Variants in RBL2 observed in about 807,000 individuals in gnomAD.
RBL2 encodes RB transcriptional corepressor like 2, also known as retinoblastoma-like protein 2.
A neutral mutation model predicts 126.0 loss-of-function variants in RBL2; 56 were observed. The observed-to-expected ratio is 0.44, with a 90% confidence interval of 0.36 to 0.56. The LOEUF is 0.56. Among genes scored for constraint, RBL2 ranks in the 20% least tolerant of loss-of-function variants. The pLI, the probability that RBL2 is intolerant of heterozygous loss-of-function variation, is 0.00. For synonymous variants in RBL2, 454 were observed against 478.5 expected (o/e 0.95, Z 0.67); for missense variants, 1,229 against 1,398.2 (o/e 0.88, Z 1.93).
chr16:53,458,946 A>G lies in RBL2; in HGVS notation c.1180-505A>G, dbSNP rs147824461. On this transcript the variant is annotated intron_variant, in intron 8 of 21. Coordinates refer to ENST00000262133, the MANE Select transcript of RBL2 (RefSeq NM_005611.4). Reference sequence around the variant, plus strand: ...TTGAGGCTTCGATGCAGACATAGCCAAACCATATCAGTAGGCTTTTGTTAA... The same window carrying G: ...TTGAGGCTTCGATGCAGACATAGCCGAACCATATCAGTAGGCTTTTGTTAA... Among the ~76,000 whole-genome samples, 1,123 of 152,342 alleles carry G rather than the reference A, an allele frequency of 7.4e-3. 20 individuals are homozygous for G. Among genetic ancestry groups the G allele is most frequent in the African/African-American group, 0.026 (1,078 of 41,578 alleles).
intron 4 of RBL2, 138 bp downstream of exon 4, chr16:53,447,244 T>A (rs546228862): frequency 4.2e-6 from 2 of 481,370 alleles, no homozygotes; most frequent in South Asian, 8.4e-5. Flanking sequence ...TAGATTCTTT[T>A]TTAAGTATTG....
rs374814957 is a variant in RBL2 at position 53,461,855 on chromosome 16, G to A, written c.1456+5G>A. 146 of 1,595,476 alleles carry A rather than the reference G, an allele frequency of 9.2e-5. No homozygotes were observed. Among genetic ancestry groups the A allele is most frequent in the Non-Finnish European group, 1.2e-4 (139 of 1,163,952 alleles). On this transcript the variant is annotated splice_donor_5th_base_variant and intron_variant, in intron 10 of 21. Coordinates refer to ENST00000262133, the MANE Select transcript of RBL2 (RefSeq NM_005611.4). ...ATTTCAGTAATTGTGCTAAAGGTAA[G>A]GTTTAACATTGTTATTCTGCTTTTA... is the stretch of plus-strand genomic sequence containing the variant.
At chr16:53,466,588 A>G (rs2058274559) in intron 13 of RBL2, among the ~76,000 whole-genome samples, 1 of 151,966 alleles carries the variant, frequency 6.6e-6, no homozygotes, top group Admixed American at 6.6e-5. Context: ...TAGATCCCTT[A>G]TGTGTGCAGT....
intron 4 of RBL2, among the ~76,000 whole-genome samples, chr16:53,450,320 AAGGG>A (rs1261573609): frequency 1.3e-5 from 2 of 152,176 alleles, no homozygotes; most frequent in Non-Finnish European, 2.9e-5. Context: ...AACAGAGAGA[AAGGG>A]AAACCTGAAA....
At chr16:53,469,480 C>A (rs1255062821) in intron 14 of RBL2, among the ~76,000 whole-genome samples, 1 of 152,030 alleles carries the variant, frequency 6.6e-6, no homozygotes, top group African/African-American at 2.4e-5. Flanking sequence ...CAATCAGGTC[C>A]CCTTATCAAG....
chr16:53,479,778 T>G lies in RBL2; in HGVS notation c.2776-108T>G. ...CTCAACCTGTTCTGAGGACAACTAT[T>G]GCTATACAGGTTATTGTGAAAACCA... On this transcript the variant is annotated intron_variant, in intron 18 of 21. Transcript: ENST00000262133. The G allele has an allele frequency of 4.5e-6, 3 of 671,494 alleles. No homozygotes were observed. In the South Asian group the frequency reaches 6.1e-5, roughly 14 times the overall value. The allele number at this position is 671,494 out of a possible 1,614,324, so 41.6% of individuals were successfully genotyped here.
chr16:53,468,530 T>C (rs2150812039), intron 14 of RBL2, among the ~76,000 whole-genome samples: 1 of 152,342 alleles, frequency 6.6e-6, no homozygotes, highest in Middle Eastern at 3.4e-3. Context: ...TTAGGAAGAC[T>C]TGACTTTAAA....
chr16:53,472,999 A>G (rs1051369295), intron 17 of RBL2, among the ~76,000 whole-genome samples: 2 of 152,196 alleles, frequency 1.3e-5, no homozygotes, highest in African/African-American at 2.4e-5. Flanking sequence ...TTTAAAATCA[A>G]TTGACCGTTG....
intron 9 of RBL2, among the ~76,000 whole-genome samples, chr16:53,460,853 A>G (rs1229005469): frequency 6.6e-6 from 1 of 152,162 alleles, no homozygotes; most frequent in African/African-American, 2.4e-5. Context: ...ATTTGTGATC[A>G]AGATAAAAAC....
In RBL2 at chr16:53,453,536, A is replaced by T. The variant is rs1453970548; in HGVS notation, c.851A>T (p.Asp284Val). 6.2e-7 allele frequency: 1 copy of T among 1,613,336 alleles called. No homozygotes were observed. The highest frequency in any genetic ancestry group is 8.5e-7 in the Non-Finnish European group (1 of 1,179,466). The change falls in exon 6 of 22, where the codon GAT (aspartate) becomes GTT (valine). Residue 284 changes from aspartate to valine, a missense_variant. Transcript: ENST00000262133. ...CIIEKLCSLH[D>V]GLVLEAKGIK... The stretch of plus-strand genomic sequence containing the variant: ...ATTGAGAAACTGTGTTCCTTACATG[A>T]TGGCCTAGTTTTGGAAGCAAAGGGG...
rs2058313986 is a variant in RBL2, at chr16:53,470,633, G to T, written c.2496G>T (p.Lys832Asn). The change falls in exon 16 of 22, where the codon AAG (lysine) becomes AAT (asparagine). Residue 832 changes from lysine (K) to asparagine (N), a missense_variant. By Grantham distance (94) the Lys-to-Asn change is moderately conservative. Coordinates refer to ENST00000262133, the MANE Select transcript of RBL2 (RefSeq NM_005611.4). ...SVTSSSNRPR[K>N]TSSLSLFFRK... ...CCAGCAGTAGTAATAGACCCAGGAA[G>T]ACCAGCTCTTTATCGCTTTTCTTTA... 6.2e-7 allele frequency: 1 copy of T among 1,614,166 alleles called. No individual in the cohort carries two copies.
chr16:53,469,358 G>A (rs902085186), intron 14 of RBL2, among the ~76,000 whole-genome samples: 1 of 152,158 alleles, frequency 6.6e-6, no homozygotes, highest in African/African-American at 2.4e-5. Context: ...AATCATGCAT[G>A]TCCACCTTGC....
intron 14 of RBL2, 73 bp downstream of exon 14, chr16:53,467,242 G>A: frequency 7.9e-7 from 1 of 1,261,604 alleles, no homozygotes; most frequent in Non-Finnish European, 1.2e-6. Context: ...AACCCTACAA[G>A]TGAAGTTAAT....
At chr16:53,443,749 C>G (rs1598089905) in intron 3 of RBL2, among the ~76,000 whole-genome samples, 2 of 152,208 alleles carry the variant, frequency 1.3e-5, no homozygotes, top group South Asian at 4.2e-4. Flanking sequence ...ATGTTTGCTT[C>G]TCTTTAAATA....
intron 2 of RBL2, among the ~76,000 whole-genome samples, chr16:53,439,989 A>G (rs1701045390): frequency 1.4e-5 from 2 of 147,968 alleles, no homozygotes; most frequent in Admixed American, 6.8e-5. Flanking sequence ...GAAGGTTACT[A>G]TTAAAATAAT....
chr16:53,490,019 G>A (rs962073687), intron 21 of RBL2, 111 bp from the exon 22 acceptor site: 20 of 770,222 alleles, frequency 2.6e-5, no homozygotes, highest in Admixed American at 3.9e-5. Context: ...CTCTGTAGAT[G>A]TGTTCAAACT....
In RBL2 at chr16:53,470,567, T is replaced by G; in HGVS notation, c.2430T>G (p.Ile810Met). The G allele has an allele frequency of 6.2e-7, 1 of 1,614,168 alleles. No homozygotes were observed. Among genetic ancestry groups the G allele is most frequent in the Non-Finnish European group, 8.5e-7 (1 of 1,180,042 alleles). ...QVPGQVAIQQISPGGQQQKQG... is the reference protein window; with the variant it reads ...QVPGQVAIQQMSPGGQQQKQG... ...CTGGTCAAGTGGCCATTCAACAGAT[T>G]TCCCCAGGTGGCCAACAGCAGAAGC... Residue 810 changes from isoleucine to methionine, a missense_variant, in exon 16 of 22, where the codon ATT becomes ATG. Physicochemically the swap from Ile to Met is conservative, Grantham distance 10. Transcript: ENST00000262133.
Position 53,447,115 on chromosome 16 carries a change from A to AT in RBL2, c.637+10dup, listed in dbSNP as rs2058069737. On this transcript the variant is annotated intron_variant, in intron 4 of 21. Coordinates refer to ENST00000262133, the MANE Select transcript of RBL2 (RefSeq NM_005611.4). ...TTTTATATATGCAAAAGGTAAGAAA[A>AT]TAGTAATATTTATTTAGATTTAATA... The AT allele has an allele frequency of 7.2e-7, 1 of 1,388,530 alleles. No homozygotes were observed. The highest frequency in any genetic ancestry group is 1.4e-5 in the African/African-American group (1 of 69,358). 86.0% of individuals were successfully genotyped at this position (1,388,530 alleles called of 1,614,324 possible).
intron 4 of RBL2, among the ~76,000 whole-genome samples, chr16:53,450,218 G>A (rs1310678072): frequency 6.6e-6 from 1 of 151,698 alleles, no homozygotes; most frequent in African/African-American, 2.4e-5. Flanking sequence ...TTTCTCTTTA[G>A]TTCATTTAAG....
Sources: gnomAD v4.1 joint callset for allele counts (sites outside exome capture counted in the v4.1 genomes callset) on GRCh38, gnomAD v4.1.1 for gene constraint, MANE v1.5 for transcripts, NCBI Gene and HGNC (gene_info 2026-07-23, HGNC 2026-07-21) for gene names.